The following RNF180 variants were observed in gnomAD, a reference collection of about 807,000 sequenced individuals.
RNF180 encodes ring finger protein 180.
In RNF180, 38 loss-of-function variants were observed where a neutral mutation model predicts 59.2. The observed-to-expected ratio is 0.64, with a 90% confidence interval of 0.50 to 0.84. RNF180 has a LOEUF of 0.84. Among genes scored for constraint, RNF180 ranks in the 40% least tolerant of loss-of-function variants. RNF180 has a pLI of 0.00. For synonymous variants in RNF180, 262 were observed against 240.3 expected, an observed-to-expected ratio of 1.09 and a Z score of -0.84; for missense variants, 705 against 700.9, an observed-to-expected ratio of 1.01 and a Z score of -0.07.
chr5:64,181,936 T>G (rs1397334477), intron 1 of RNF180, among the ~76,000 whole-genome samples: 5 of 151,934 alleles, frequency 3.3e-5, no homozygotes, highest in Non-Finnish European at 7.4e-5. Context: ...GTTAACATTT[T>G]GGGGTTCCTT....
At chr5:64,337,748 C>T (rs1407426991) in intron 7 of RNF180, among the ~76,000 whole-genome samples, 2 of 147,604 alleles carry the variant, frequency 1.4e-5, no homozygotes, top group Admixed American at 7.0e-5. Flanking sequence ...TGAGTGAGAA[C>T]ATGCGGTGTT....
chr5:64,243,060 A>G (rs1454593476), intron 5 of RNF180, among the ~76,000 whole-genome samples: 1 of 152,198 alleles, frequency 6.6e-6, no homozygotes, highest in Non-Finnish European at 1.5e-5. Flanking sequence ...TCTGGCCCAG[A>G]TACTACACTT....
chr5:64,319,002 T>C (rs1302089777), intron 5 of RNF180, among the ~76,000 whole-genome samples: 2 of 152,076 alleles, frequency 1.3e-5, no homozygotes, highest in African/African-American at 4.8e-5. Context: ...TGGACTTCAG[T>C]TGTCAATAAT....
chr5:64,349,643 T>C (rs1192764554), intron 7 of RNF180, among the ~76,000 whole-genome samples: 4 of 152,024 alleles, frequency 2.6e-5, no homozygotes, highest in Admixed American at 1.3e-4. Context: ...TGTGTCCAAG[T>C]GTTCTCATTG....
chr5:64,186,665 A>C (rs372854636), intron 1 of RNF180, among the ~76,000 whole-genome samples: 2 of 152,252 alleles, frequency 1.3e-5, no homozygotes, highest in East Asian at 3.9e-4. Flanking sequence ...TCTTTACTGT[A>C]TCTTTATGGT....
intron 7 of RNF180, among the ~76,000 whole-genome samples, chr5:64,346,296 G>GT (rs144825664): frequency 0.16 from 17,798 of 108,816 alleles, 1,274 homozygotes; most frequent in Middle Eastern, 0.29. Context: ...GGTTTGGTTT[G>GT]TTTTTTTTTG....
intron 1 of RNF180, among the ~76,000 whole-genome samples, chr5:64,178,274 C>A (rs185024269): frequency 6.6e-6 from 1 of 151,718 alleles, no homozygotes; most frequent in Admixed American, 6.6e-5. Flanking sequence ...GACAGGGGAG[C>A]ACCAGAGGGA....
intron 5 of RNF180, among the ~76,000 whole-genome samples, chr5:64,292,852 C>A (rs1742675234): frequency 6.6e-6 from 1 of 152,194 alleles, no homozygotes. Flanking sequence ...CAGTGAGGCC[C>A]CACCCAGTGA....
chr5:64,346,953 C>G (rs1745582760), intron 7 of RNF180, among the ~76,000 whole-genome samples: 1 of 152,122 alleles, frequency 6.6e-6, no homozygotes, highest in Admixed American at 6.5e-5. Flanking sequence ...TTCTGCATAT[C>G]TGAACTATGA....
intron 5 of RNF180, among the ~76,000 whole-genome samples, chr5:64,315,480 C>T (rs1743988858): frequency 6.6e-6 from 1 of 152,150 alleles, no homozygotes; most frequent in Non-Finnish European, 1.5e-5. Context: ...CATGGTGGCT[C>T]ACGCCTGTAA....
In RNF180 at chr5:64,239,018, AATG is replaced by A. The variant is rs1224066287; in HGVS notation, c.1227+21628_1227+21630del. On this transcript the variant is annotated intron_variant, in intron 5 of 7. Coordinates refer to ENST00000389100, the MANE Select transcript of RNF180 (RefSeq NM_001113561.2). ...TAATAATTTTGAGGAATAATTTTAT[AATG>A]ATGATTCATGCTTTATGGGTGTTTT... 3.9e-5 allele frequency among the ~76,000 whole-genome samples: 6 copies of A among 152,292 alleles called. No homozygotes were observed. The East Asian group carries it at 7.7e-4, about 20-fold the overall frequency.
chr5:64,195,713 A>G (rs1751422084), intron 1 of RNF180, among the ~76,000 whole-genome samples: 1 of 152,218 alleles, frequency 6.6e-6, no homozygotes, highest in Admixed American at 6.5e-5. Context: ...AGCTATACAG[A>G]CATTTAAGAA....
chr5:64,247,478 C>CAGAG (rs1216273916), intron 5 of RNF180, among the ~76,000 whole-genome samples: 25 of 149,358 alleles, frequency 1.7e-4, no homozygotes, highest in Non-Finnish European at 2.9e-4. Flanking sequence ...AATAGAAAAA[C>CAGAG]AGCCAAATCA....
chr5:64,219,610 G>T (rs1752805937), intron 5 of RNF180, among the ~76,000 whole-genome samples: 1 of 152,010 alleles, frequency 6.6e-6, no homozygotes, highest in African/African-American at 2.4e-5. Flanking sequence ...TGCCTCCCAG[G>T]TTCAAGTGAT....
intron 7 of RNF180, among the ~76,000 whole-genome samples, chr5:64,347,863 T>C (rs549768446): frequency 6.6e-6 from 1 of 152,170 alleles, no homozygotes; most frequent in Admixed American, 6.6e-5. Context: ...ACTTCATAAC[T>C]ATGCTGGCAA....
At chr5:64,355,505 T>C (rs1318798478) in intron 7 of RNF180, among the ~76,000 whole-genome samples, 1 of 151,918 alleles carries the variant, frequency 6.6e-6, no homozygotes, top group Non-Finnish European at 1.5e-5. Context: ...ATCTACAGAT[T>C]TAACACAATT....
intron 5 of RNF180, among the ~76,000 whole-genome samples, chr5:64,301,555 G>GT (rs1375353773): frequency 2.0e-5 from 3 of 151,732 alleles, no homozygotes; most frequent in African/African-American, 7.2e-5. Context: ...GGAAAATGCT[G>GT]TTAAACATTC....
At chr5:64,192,692 A>C (rs1751220701) in intron 1 of RNF180, among the ~76,000 whole-genome samples, 1 of 151,696 alleles carries the variant, frequency 6.6e-6, no homozygotes, top group African/African-American at 2.4e-5. Context: ...CAAACAAAAC[A>C]CAGTATGGAG....
chr5:64,334,460 T>C (rs938699794), intron 7 of RNF180, among the ~76,000 whole-genome samples: 1 of 152,144 alleles, frequency 6.6e-6, no homozygotes, highest in Non-Finnish European at 1.5e-5. Flanking sequence ...TGTAATGGTC[T>C]GTTGAGGCCT....
Sources: gnomAD v4.1 joint callset for allele counts (sites outside exome capture counted in the v4.1 genomes callset) on GRCh38, gnomAD v4.1.1 for gene constraint, MANE v1.5 for transcripts, NCBI Gene and HGNC (gene_info 2026-07-23, HGNC 2026-07-21) for gene names.